The following RASSF3 variants were observed in gnomAD, a reference collection of about 807,000 sequenced individuals.
RASSF3 encodes the protein Ras association domain family member 3, also known as ras association domain-containing protein 3.
In RASSF3, 19 loss-of-function variants were observed where a neutral mutation model predicts 19.9. The ratio of observed to expected loss-of-function variants is 0.96; its 90% CI spans 0.67 to 1.40. The LOEUF (loss-of-function observed/expected upper bound fraction) is 1.40, where lower values mean the gene tolerates loss of function less well. Ranked by LOEUF, RASSF3 falls within the 40% of genes most tolerant of loss-of-function variation. RASSF3 has a pLI of 0.00. For synonymous variants in RASSF3, 110 were observed against 104.2 expected (o/e 1.06, Z -0.34); for missense variants, 306 against 289.8 (o/e 1.06, Z -0.41).
rs756966693 is a variant in RASSF3, at chr12:64,695,151, CT to C, written c.*240del. On this transcript the variant is annotated 3_prime_UTR_variant, in exon 5 of 5. Transcript: ENST00000542104. ...TGTTACCTCTTGGCAAGCTGTGAAC[CT>C]GTCGCCTCATCAGGAGCATTCGAGG... 1.1e-5 allele frequency: 5 copies of C among 437,408 alleles called. No homozygotes were observed. The highest frequency in any genetic ancestry group is 2.1e-5 in the Non-Finnish European group (5 of 242,878). The allele number at this position is 437,408 out of a possible 1,614,324, so 27.1% of individuals were successfully genotyped here. A position where few individuals can be genotyped will look rare whatever the true frequency, so the allele number is the denominator to read the frequency against.
intron 2 of RASSF3, among the ~76,000 whole-genome samples, chr12:64,547,498 C>T (rs921428753): frequency 6.6e-6 from 1 of 151,594 alleles, no homozygotes; most frequent in Non-Finnish European, 1.5e-5. Flanking sequence ...ACGCAGGAGG[C>T]GGAGGTTGCA....
Position 64,538,193 on chromosome 12 carries a change from A to G in RASSF3, c.68-3388A>G, listed in dbSNP as rs183953927. Reference sequence around the variant, plus strand: ...TTTTGTAGAGATGGGATCCCTCCCTATGTTGCCCAGGCTGGTCTCAAACTC... The same window carrying G: ...TTTTGTAGAGATGGGATCCCTCCCTGTGTTGCCCAGGCTGGTCTCAAACTC... On this transcript the variant is annotated intron_variant, in intron 1 of 1. Transcript: ENST00000636333. Among the ~76,000 whole-genome samples the G allele has an allele frequency of 4.6e-3, 700 of 151,966 alleles. 4 individuals carry two copies. The highest frequency in any genetic ancestry group is 0.016 in the African/African-American group (662 of 41,466).
At chr12:64,634,332 G>GA (rs1185727706) in intron 1 of RASSF3, among the ~76,000 whole-genome samples, 1 of 136,050 alleles carries the variant, frequency 7.4e-6, no homozygotes, top group African/African-American at 2.7e-5. Context: ...TTCCTACTTT[G>GA]AAAAAAAAAT....
rs77201121 is a variant in RASSF3 at position 64,644,852 on chromosome 12, A to C, written c.111+34109A>C. On this transcript the variant is annotated intron_variant, in intron 1 of 4. Transcript: ENST00000542104. ...ATACCCAGAGGTTTGTGTCTATGTT[A>C]GTGTGAGAAGCCCTAACACATTTTT... Among the ~76,000 whole-genome samples, 464 of 152,322 alleles carry C rather than the reference A, an allele frequency of 3.0e-3. 4 individuals carry two copies. The highest frequency in any genetic ancestry group is 0.011 in the African/African-American group (447 of 41,560).
At chr12:64,558,242 G>A (rs1869285801) in intron 2 of RASSF3, among the ~76,000 whole-genome samples, 1 of 152,138 alleles carries the variant, frequency 6.6e-6, no homozygotes, top group Non-Finnish European at 1.5e-5. Context: ...CTCCATTTAC[G>A]CCACCATAGC....
chr12:64,658,466 T>C (rs991922460), intron 1 of RASSF3, among the ~76,000 whole-genome samples: 13 of 152,174 alleles, frequency 8.5e-5, no homozygotes, highest in Admixed American at 5.9e-4. Context: ...TTTGTAAGCA[T>C]GGTTATGGAG....
chr12:64,544,831 CA>C (rs1347291110), downstream of RASSF3, among the ~76,000 whole-genome samples: 2 of 152,194 alleles, frequency 1.3e-5, no homozygotes, highest in African/African-American at 4.8e-5. Flanking sequence ...ATGCTGAGTA[CA>C]AAAGACCAAA....
chr12:64,656,309 A>G (rs531554052), intron 1 of RASSF3, among the ~76,000 whole-genome samples: 1 of 152,140 alleles, frequency 6.6e-6, no homozygotes, highest in African/African-American at 2.4e-5. Flanking sequence ...GGAGTGGGCT[A>G]TGGGGCTGTG....
chr12:64,606,659 A>G (rs1263686727), upstream of RASSF3, among the ~76,000 whole-genome samples: 1 of 152,106 alleles, frequency 6.6e-6, no homozygotes, highest in Non-Finnish European at 1.5e-5. Flanking sequence ...TACTAAAAAT[A>G]CAAAAATTGG....
intron 2 of RASSF3, among the ~76,000 whole-genome samples, chr12:64,574,823 C>A (rs1869571055): frequency 6.6e-6 from 1 of 152,176 alleles, no homozygotes. Context: ...AAGCATAGCC[C>A]AGATCACCTG....
intron 1 of RASSF3, among the ~76,000 whole-genome samples, chr12:64,651,156 G>T (rs552741841): frequency 3.3e-5 from 5 of 152,240 alleles, no homozygotes; most frequent in Non-Finnish European, 5.9e-5. Context: ...AGAAAAATCA[G>T]TGTCTTAATG....
At chr12:64,689,777 C>G (rs1716494) in intron 3 of RASSF3, among the ~76,000 whole-genome samples, 50,389 of 127,612 alleles carry the variant, frequency 0.39, 10,278 homozygotes, top group Middle Eastern at 0.53. Flanking sequence ...TTTGTAGCTG[C>G]TAATTCGCTA....
intron 1 of RASSF3, among the ~76,000 whole-genome samples, chr12:64,660,094 A>G (rs1872303593): frequency 6.6e-6 from 1 of 151,698 alleles, no homozygotes. Flanking sequence ...ATATACACAT[A>G]CACGCACACA....
At chr12:64,644,212 T>C (rs935562902) in intron 1 of RASSF3, among the ~76,000 whole-genome samples, 4 of 152,120 alleles carry the variant, frequency 2.6e-5, no homozygotes, top group African/African-American at 9.7e-5. Context: ...CCAGAAATAT[T>C]CTAAATATCC....
At chr12:64,634,452 C>G (rs796719257) in intron 1 of RASSF3, among the ~76,000 whole-genome samples, 3 of 152,154 alleles carry the variant, frequency 2.0e-5, no homozygotes, top group African/African-American at 4.8e-5. Context: ...GTGTGAGCCA[C>G]TGCACCCGGC....
At chr12:64,557,427 C>T (rs926223908) in intron 2 of RASSF3, among the ~76,000 whole-genome samples, 8 of 152,128 alleles carry the variant, frequency 5.3e-5, no homozygotes, top group Non-Finnish European at 8.8e-5. Context: ...GTCAATTACT[C>T]CTGCCACAAT....
chr12:64,661,990 T>TA (rs58872891), intron 1 of RASSF3, among the ~76,000 whole-genome samples: 55 of 144,276 alleles, frequency 3.8e-4, no homozygotes, highest in Admixed American at 1.7e-3. Flanking sequence ...CCCCATCTCT[T>TA]AAAAAAAAAA....
At chr12:64,620,987 G>GTGT (rs767408760) in intron 1 of RASSF3, among the ~76,000 whole-genome samples, 3 of 152,142 alleles carry the variant, frequency 2.0e-5, no homozygotes, top group Non-Finnish European at 4.4e-5. Context: ...CCAGGCTGGA[G>GTGT]TGTAATGGCG....
At chr12:64,673,997 G>A (rs1872791582) in intron 1 of RASSF3, among the ~76,000 whole-genome samples, 1 of 151,940 alleles carries the variant, frequency 6.6e-6, no homozygotes, top group Non-Finnish European at 1.5e-5. Flanking sequence ...GTAACCAGGG[G>A]GTTTAAAAAG....
Sources: allele counts gnomAD v4.1 joint callset (sites outside exome capture counted in the v4.1 genomes callset), GRCh38; gene constraint gnomAD v4.1.1; transcripts MANE v1.5; gene names NCBI Gene and HGNC (gene_info 2026-07-23, HGNC 2026-07-21).